The following SLC35B3 variants were observed in gnomAD, a reference collection of about 807,000 sequenced individuals.
SLC35B3 encodes the protein adenosine 3'-phospho 5'-phosphosulfate transporter 2.
In SLC35B3, 35 loss-of-function variants were observed where a neutral mutation model predicts 44.1. The ratio of observed to expected loss-of-function variants is 0.79; its 90% CI spans 0.61 to 1.05. The LOEUF is 1.05. SLC35B3 is among the 50% of genes least tolerant of loss of function. SLC35B3 has a pLI of 0.00. For synonymous variants in SLC35B3, 146 were observed against 167.3 expected (o/e 0.87, Z 0.98); for missense variants, 414 against 476.4 (o/e 0.87, Z 1.22).
intron 4 of SLC35B3, among the ~76,000 whole-genome samples, chr6:8,426,049 G>A (rs1337808807): frequency 6.6e-6 from 1 of 152,136 alleles, no homozygotes; most frequent in Non-Finnish European, 1.5e-5. Flanking sequence ...GCTTAAGAAC[G>A]CAACCTCAGC....
At chr6:8,418,601 A>G (rs1289438494) in intron 7 of SLC35B3, among the ~76,000 whole-genome samples, 1 of 151,972 alleles carries the variant, frequency 6.6e-6, no homozygotes, top group Non-Finnish European at 1.5e-5. Context: ...ATTATTTGCA[A>G]TAACCACAAA....
chr6:8,416,378 G>T (rs34088699), intron 9 of SLC35B3, among the ~76,000 whole-genome samples: 1 of 152,062 alleles, frequency 6.6e-6, no homozygotes, highest in South Asian at 2.1e-4. Context: ...AAATACAACT[G>T]ATTTTTCTAC....
chr6:8,422,719 T>G, intron 4 of SLC35B3, 95 bp from the exon 4 acceptor site: 1 of 960,846 alleles, frequency 1.0e-6, no homozygotes, highest in Non-Finnish European at 1.5e-6. Flanking sequence ...TAATTACTTT[T>G]CTAATTTCTG....
intron 4 of SLC35B3, among the ~76,000 whole-genome samples, chr6:8,422,907 G>GTT (rs57405337): frequency 1.4e-5 from 2 of 146,252 alleles, no homozygotes. Flanking sequence ...TTGACAAAAG[G>GTT]TTTTTTTTTT....
chr6:8,421,929 CA>C (rs1762924351), intron 5 of SLC35B3, among the ~76,000 whole-genome samples: 1 of 152,114 alleles, frequency 6.6e-6, no homozygotes, highest in South Asian at 2.1e-4. Flanking sequence ...ATAATAAAAA[CA>C]AAGTATTATC....
intron 9 of SLC35B3, among the ~76,000 whole-genome samples, chr6:8,416,356 C>T (rs1036657055): frequency 3.3e-5 from 5 of 152,096 alleles, no homozygotes; most frequent in African/African-American, 1.2e-4. Flanking sequence ...ATACACTCCT[C>T]CAAAGCAGAA....
chr6:8,429,196 C>A (rs1402322116), intron 3 of SLC35B3, among the ~76,000 whole-genome samples: 3 of 152,144 alleles, frequency 2.0e-5, no homozygotes, highest in Non-Finnish European at 4.4e-5. Flanking sequence ...ATCCTGTTTT[C>A]ACTAGCCTGG....
At chr6:8,414,080 T>C (rs1284237465) in intron 10 of SLC35B3, among the ~76,000 whole-genome samples, 5 of 152,178 alleles carry the variant, frequency 3.3e-5, no homozygotes, top group African/African-American at 1.2e-4. Flanking sequence ...TCCAACTCGT[T>C]GTCTCAGTTG....
At chr6:8,429,806 C>T in intron 3 of SLC35B3, 58 bp downstream of exon 2, 2 of 1,284,718 alleles carry the variant, frequency 1.6e-6, no homozygotes, top group Non-Finnish European at 2.1e-6. Context: ...AGTAAATGCC[C>T]ATACTGACCG....
chr6:8,412,003 G>T lies in SLC35B3; in HGVS notation c.*1546C>A, dbSNP rs993294735. On this transcript the variant is annotated 3_prime_UTR_variant, in exon 11 of 11. Transcript: ENST00000644923. ...GTTTGTGTCCCCCTGAGATTCATTT[G>T]TTGAAATCCTAACTCCCAAAGTGAT... Among the ~76,000 whole-genome samples the T allele has an allele frequency of 6.6e-6, 1 of 152,140 alleles. No homozygotes were observed. The highest frequency in any genetic ancestry group is 1.9e-4 in the East Asian group (1 of 5,190).
intron 4 of SLC35B3, among the ~76,000 whole-genome samples, chr6:8,423,008 G>A (rs946123490): frequency 1.3e-5 from 2 of 151,878 alleles, no homozygotes; most frequent in African/African-American, 4.8e-5. Flanking sequence ...GTTTGCTTGA[G>A]ATAAGGTCTC....
chr6:8,417,110 G>A (rs1762479704), intron 8 of SLC35B3, 115 bp from the exon 8 acceptor site: 2 of 599,566 alleles, frequency 3.3e-6, no homozygotes, highest in Non-Finnish European at 2.9e-6. Context: ...GTTTGACAAT[G>A]CAGTCAAGCA....
chr6:8,419,573 T>C lies in SLC35B3; in HGVS notation c.780+7A>G. ...CTAATTTGAAGAAAAAACACTAGAGTATTTACCATTTCAGAATTAGAAGCA... is the reference window on the plus strand; with the variant it reads ...CTAATTTGAAGAAAAAACACTAGAGCATTTACCATTTCAGAATTAGAAGCA... On this transcript the variant is annotated splice_region_variant and intron_variant, in intron 7 of 10. Transcript: ENST00000644923. The surrounding 1 kb of genome is among the most constrained non-coding windows in gnomAD (Gnocchi z 4.3). The C allele has an allele frequency of 7.0e-7, 1 of 1,425,372 alleles. No homozygotes were observed. Among genetic ancestry groups the C allele is most frequent in the Non-Finnish European group, 9.6e-7 (1 of 1,038,212 alleles). 88.3% of individuals were successfully genotyped at this position (1,425,372 alleles called of 1,614,324 possible). A position where few individuals can be genotyped will look rare whatever the true frequency, so the allele number is the denominator to read the frequency against.
In SLC35B3 at chr6:8,413,341, T is replaced by C. The variant is rs1762126985; in HGVS notation, c.*208A>G. On this transcript the variant is annotated 3_prime_UTR_variant, in exon 11 of 11. Coordinates refer to ENST00000644923, the MANE Select transcript of SLC35B3 (RefSeq NM_001370476.2). ...ATTGACATTTTATTGTAAAGTCTGC[T>C]AGACGTGGCTCTCTTGATTGCTTTG... 2.1e-6 allele frequency: 1 copy of C among 468,190 alleles called. No individual in the cohort carries two copies. Among genetic ancestry groups the C allele is most frequent in the Admixed American group, 4.1e-5 (1 of 24,422 alleles). The allele number at this position is 468,190 out of a possible 1,614,324, so 29.0% of individuals were successfully genotyped here.
In SLC35B3 at chr6:8,435,354, T is replaced by C; in HGVS notation, c.-55A>G. 1 of 1,289,118 alleles carries C rather than the reference T, an allele frequency of 7.8e-7. No individual in the cohort carries two copies. Among genetic ancestry groups the C allele is most frequent in the African/African-American group, 1.5e-5 (1 of 65,960 alleles). 79.9% of individuals were successfully genotyped at this position (1,289,118 alleles called of 1,614,324 possible). ...GAAGGCACGCGTACCCCAAGGCCGG[T>C]ATGTCACCCGGAAGGGTGACGGCAG... On this transcript the variant is annotated 5_prime_UTR_variant, in exon 1 of 11. It adds an upstream start codon to the 5' untranslated region. Transcript: ENST00000644923. This position sits in a 1 kb window ranked among gnomAD's most constrained non-coding sequence, Gnocchi z 5.5.
intron 3 of SLC35B3, among the ~76,000 whole-genome samples, chr6:8,428,843 A>G (rs1763687181): frequency 6.6e-6 from 1 of 152,138 alleles, no homozygotes; most frequent in Non-Finnish European, 1.5e-5. Context: ...CTCAAGTTTT[A>G]TATCACCTAC....
chr6:8,421,013 G>A (rs545678294), intron 5 of SLC35B3, among the ~76,000 whole-genome samples, 185 bp from the exon 5 acceptor site: 2 of 152,262 alleles, frequency 1.3e-5, no homozygotes, highest in Non-Finnish European at 2.9e-5. Flanking sequence ...GCAGCAATAT[G>A]TCCCTGTAAG....
At position 8,420,600 on chromosome 6, in the gene SLC35B3, TTA is replaced by T. The variant is rs1188876033; in HGVS notation, c.682+119_682+120del. ...ATCTTATATGGAAAGTCCAAAAGCT[TTA>T]TGTTAGATATGAAAATTGCAGCTGT... On this transcript the variant is annotated intron_variant, in intron 6 of 10. Coordinates refer to ENST00000644923, the MANE Select transcript of SLC35B3 (RefSeq NM_001370476.2). The surrounding 1 kb of genome is among the most constrained non-coding windows in gnomAD (Gnocchi z 4.4). 3.1e-6 allele frequency: 2 copies of T among 653,920 alleles called. No individual in the cohort carries two copies. The highest frequency in any genetic ancestry group is 5.3e-6 in the Non-Finnish European group (2 of 375,462). 40.5% of individuals were successfully genotyped at this position (653,920 alleles called of 1,614,324 possible).
At chr6:8,414,740 G>T (rs1762261430) in intron 10 of SLC35B3, among the ~76,000 whole-genome samples, 168 bp downstream of exon 9, 1 of 151,674 alleles carries the variant, frequency 6.6e-6, no homozygotes, top group African/African-American at 2.4e-5. Flanking sequence ...AAGATGAAAA[G>T]GTTTCTTTAT....
Sources: allele counts gnomAD v4.1 joint callset (sites outside exome capture counted in the v4.1 genomes callset), GRCh38; gene constraint gnomAD v4.1.1; non-coding constraint Gnocchi (gnomAD v3.1); transcripts MANE v1.5; gene names NCBI Gene and HGNC (gene_info 2026-07-23, HGNC 2026-07-21).